The following AAK1 variants were observed in gnomAD, a reference collection of about 807,000 sequenced individuals.
AAK1 encodes AP2-associated protein kinase 1.
Under a neutral mutation model 116.0 loss-of-function variants are expected in AAK1, and 37 were observed. The ratio of observed to expected loss-of-function variants is 0.32; its 90% CI spans 0.25 to 0.42. The LOEUF is 0.42. AAK1 is among the 10% of genes least tolerant of loss of function. The pLI is 1.00. For missense variants in AAK1, 919 were observed against 1,170.6 expected, an observed-to-expected ratio of 0.79 and a Z score of 3.14; for synonymous variants, 458 against 439.9, an observed-to-expected ratio of 1.04 and a Z score of -0.51.
rs1674266217 is a variant in AAK1 at position 69,458,519 on chromosome 2, A to T, written c.*17350T>A. On this transcript the variant is annotated 3_prime_UTR_variant, in exon 22 of 22. Transcript: ENST00000409085. ...AAGATGTGTACTTGGGAACAAGGCTAAAGCCATGGCTGATTTCCCCAACCT... is the reference window on the plus strand; with the variant it reads ...AAGATGTGTACTTGGGAACAAGGCTTAAGCCATGGCTGATTTCCCCAACCT... 1 of 152,670 alleles carries T rather than the reference A, an allele frequency of 6.6e-6. No homozygotes were observed. Among genetic ancestry groups the T allele is most frequent in the African/African-American group, 2.4e-5 (1 of 41,460 alleles). The allele number at this position is 152,670 out of a possible 1,614,324, so 9.5% of individuals were successfully genotyped here.
chr2:69,552,418 A>C (rs1259197848), intron 3 of AAK1, among the ~76,000 whole-genome samples: 7 of 152,244 alleles, frequency 4.6e-5, no homozygotes, highest in Non-Finnish European at 1.0e-4. Flanking sequence ...TTATGCAAAA[A>C]TTAAGTCAAA....
Position 69,643,186 on chromosome 2 carries a change from G to C in AAK1, c.-146C>G. 1.4e-6 allele frequency: 2 copies of C among 1,434,330 alleles called. No individual in the cohort carries two copies. Among genetic ancestry groups the C allele is most frequent in the Non-Finnish European group, 1.8e-6 (2 of 1,103,190 alleles). The allele number at this position is 1,434,330 out of a possible 1,614,324, so 88.9% of individuals were successfully genotyped here. A position where few individuals can be genotyped will look rare whatever the true frequency, so the allele number is the denominator to read the frequency against. On this transcript the variant is annotated 5_prime_UTR_variant, in exon 2 of 22. Coordinates refer to ENST00000409085, the MANE Select transcript of AAK1 (RefSeq NM_014911.5). ...ACCCGAATCCGGCCGTGGGGGTGGG[G>C]GCTGAGGGAGGATGCCTATAGGAAT...
At chr2:69,553,912 AG>A (rs1296689413) in intron 3 of AAK1, among the ~76,000 whole-genome samples, 1 of 150,768 alleles carries the variant, frequency 6.6e-6, no homozygotes, top group East Asian at 1.9e-4. Context: ...CTTGTCTCTA[AG>A]GAAAAAAAAA....
chr2:69,542,378 A>T, intron 5 of AAK1, 145 bp downstream of exon 5: 6 of 1,041,146 alleles, frequency 5.8e-6, no homozygotes, highest in African/African-American at 3.2e-5. Context: ...TTCCTTTGTT[A>T]TTTTCTCTCC....
At chr2:69,603,057 T>C (rs1673647925) in intron 2 of AAK1, among the ~76,000 whole-genome samples, 1 of 152,162 alleles carries the variant, frequency 6.6e-6, no homozygotes. Context: ...GATGGAGGGA[T>C]GGACAAATAT....
intron 15 of AAK1, among the ~76,000 whole-genome samples, chr2:69,506,868 C>CTGTGTGTG (rs10531990): frequency 0.028 from 4,247 of 149,318 alleles, 148 homozygotes; most frequent in African/African-American, 0.082. Flanking sequence ...GTGCATGTGC[C>CTGTGTGTG]TGTGTGTGTG....
chr2:69,509,534 G>T (rs1447365416), intron 13 of AAK1, 74 bp from the exon 14 acceptor site: 3 of 1,295,128 alleles, frequency 2.3e-6, no homozygotes, highest in African/African-American at 1.5e-5. Flanking sequence ...ACAGATAAGT[G>T]TAACAACAAC....
At position 69,478,951 on chromosome 2, in the gene AAK1, C is replaced by T. The variant is rs755852680; in HGVS notation, c.2680G>A (p.Ala894Thr). ...PTAISAPVHK[A>T]AEDSNLISGF... ...GGCCTGAGAAGAAGAAAGCATTTAC[C>T]TTTATGGACTGGAGCAGAGATTGCT... Residue 894 changes from alanine to threonine, a missense_variant and splice_region_variant, in exon 20 of 22, where the codon GCT (alanine) becomes ACT (threonine). Ala to Thr is a moderately conservative substitution (Grantham distance 58, BLOSUM62 0). This residue lies in a region of AAK1 where 263 missense variants were observed against 285.5 expected (regional missense o/e 0.92). Coordinates refer to ENST00000409085, the MANE Select transcript of AAK1 (RefSeq NM_014911.5). 1.2e-6 allele frequency: 2 copies of T among 1,607,644 alleles called. No homozygotes were observed. The highest frequency in any genetic ancestry group is 1.7e-6 in the Non-Finnish European group (2 of 1,174,222).
intron 17 of AAK1, among the ~76,000 whole-genome samples, chr2:69,490,940 C>CAT (rs1675497794): frequency 6.6e-6 from 1 of 151,616 alleles, no homozygotes; most frequent in Non-Finnish European, 1.5e-5. Flanking sequence ...CACACACACA[C>CAT]ACACACTTTT....
intron 16 of AAK1, among the ~76,000 whole-genome samples, chr2:69,500,698 T>TATATATATATATATATATATATAA: frequency 1.5e-5 from 1 of 65,102 alleles, no homozygotes. Context: ...TATATATATA[T>TATATATATATATATATATATATAA]ACACACACAC....
intron 11 of AAK1, among the ~76,000 whole-genome samples, chr2:69,520,554 G>C (rs1669728460): frequency 6.6e-6 from 1 of 151,750 alleles, no homozygotes; most frequent in Admixed American, 6.6e-5. Context: ...TTGAAAAACA[G>C]GGTTTCATCA....
At chr2:69,579,887 A>T (rs553745275) in intron 2 of AAK1, among the ~76,000 whole-genome samples, 70 of 152,304 alleles carry the variant, frequency 4.6e-4, no homozygotes, top group African/African-American at 1.6e-3. Flanking sequence ...TTCTCAATTA[A>T]GCTGATAAAC....
intron 17 of AAK1, among the ~76,000 whole-genome samples, chr2:69,488,254 C>T (rs1337695667): frequency 6.6e-6 from 1 of 151,484 alleles, no homozygotes; most frequent in Non-Finnish European, 1.5e-5. Context: ...TCAGTTGTAC[C>T]CCAAACCTCA....
chr2:69,477,388 G>C (rs1674894447), intron 20 of AAK1, among the ~76,000 whole-genome samples: 1 of 152,100 alleles, frequency 6.6e-6, no homozygotes, highest in South Asian at 2.1e-4. Flanking sequence ...TTGGGGGCAG[G>C]GCAGGGGAGG....
chr2:69,522,422 G>A (rs751847668), intron 10 of AAK1, among the ~76,000 whole-genome samples: 10 of 152,162 alleles, frequency 6.6e-5, no homozygotes, highest in South Asian at 2.1e-4. Flanking sequence ...GTGATATAAA[G>A]GCTATCACAT....
At chr2:69,549,659 T>C (rs777711818) in intron 3 of AAK1, among the ~76,000 whole-genome samples, 22 of 152,220 alleles carry the variant, frequency 1.4e-4, no homozygotes, top group Non-Finnish European at 2.8e-4. Flanking sequence ...TTTTTGTCTT[T>C]TGGCACCCAC....
intron 2 of AAK1, among the ~76,000 whole-genome samples, chr2:69,594,169 A>G (rs1290598205): frequency 6.6e-6 from 1 of 152,198 alleles, no homozygotes; most frequent in African/African-American, 2.4e-5. Flanking sequence ...GTAGTGGTAT[A>G]TCTCTAAATT....
At chr2:69,606,459 G>C (rs888352436) in intron 2 of AAK1, among the ~76,000 whole-genome samples, 1 of 152,186 alleles carries the variant, frequency 6.6e-6, no homozygotes, top group South Asian at 2.1e-4. Flanking sequence ...CTCAATGTCT[G>C]ATTCACTGAG....
chr2:69,643,607 C>A lies in AAK1; in HGVS notation c.-267G>T. 1.6e-6 allele frequency: 2 copies of A among 1,229,024 alleles called. No individual in the cohort carries two copies. Among genetic ancestry groups the A allele is most frequent in the South Asian group, 8.3e-5 (2 of 24,030 alleles). The allele number at this position is 1,229,024 out of a possible 1,614,324, so 76.1% of individuals were successfully genotyped here. A position where few individuals can be genotyped will look rare whatever the true frequency, so the allele number is the denominator to read the frequency against. On this transcript the variant is annotated 5_prime_UTR_variant, in exon 1 of 22. Transcript: ENST00000409085. ...GGCTCGGCGGCCGGCGCCCTGCTAC[C>A]AGCCCCGCGACATTGTCACGGCCGC...
Sources: allele counts gnomAD v4.1 joint callset (sites outside exome capture counted in the v4.1 genomes callset), GRCh38; gene constraint gnomAD v4.1.1; regional missense constraint gnomAD v4.1.1; transcripts MANE v1.5; gene names NCBI Gene and HGNC (gene_info 2026-07-23, HGNC 2026-07-21).